Variants in TOP6BL observed in about 807,000 individuals in gnomAD.
TOP6BL encodes TOP6B like initiator of meiotic double strand breaks.
At chr11:66,768,657 T>C in the TOP6BL span, among the ~76,000 whole-genome samples, 3 of 151,278 alleles carry the variant, frequency 2.0e-5, no homozygotes, top group African/African-American at 4.9e-5. Flanking sequence ...TAAAACAGAT[T>C]TTTGTTTTTT....
chr11:66,828,262 T>G, the TOP6BL span: 1 of 1,611,476 alleles, frequency 6.2e-7, no homozygotes, highest in Non-Finnish European at 8.5e-7. Flanking sequence ...CTGGCCCATT[T>G]TAGGCAGCTG....
At chr11:66,814,352 G>A in the TOP6BL span, among the ~76,000 whole-genome samples, 7 of 152,154 alleles carry the variant, frequency 4.6e-5, no homozygotes, top group South Asian at 8.3e-4. Context: ...TCCGCCTCCC[G>A]GGTTCAAGTG....
At chr11:66,748,278 G>T in the TOP6BL span, 3,589 of 916,308 alleles carry the variant, frequency 3.9e-3, 6 homozygotes, top group Non-Finnish European at 4.4e-3. Flanking sequence ...TACAATTTTT[G>T]GGGGGAAATT....
the TOP6BL span, among the ~76,000 whole-genome samples, chr11:66,800,481 T>G: frequency 3.3e-5 from 5 of 152,250 alleles, no homozygotes; most frequent in Non-Finnish European, 7.3e-5. Flanking sequence ...AAACACCACA[T>G]TGTACCCTAT....
the TOP6BL span, among the ~76,000 whole-genome samples, chr11:66,781,990 G>C: frequency 6.6e-6 from 1 of 152,104 alleles, no homozygotes; most frequent in Admixed American, 6.6e-5. Flanking sequence ...TTTTGCTCTA[G>C]TAGGCTATGC....
chr11:66,823,266 C>A, the TOP6BL span, among the ~76,000 whole-genome samples: 1 of 147,594 alleles, frequency 6.8e-6, no homozygotes, highest in Non-Finnish European at 1.5e-5. Flanking sequence ...TGTACTCCAG[C>A]CCAGGTGACA....
chr11:66,819,602 C>G, the TOP6BL span, among the ~76,000 whole-genome samples: 256 of 151,530 alleles, frequency 1.7e-3, no homozygotes, highest in African/African-American at 5.9e-3. Context: ...GAGACCTCGT[C>G]TCTACATATA....
At chr11:66,816,142 C>CT in the TOP6BL span, 1 of 1,607,428 alleles carries the variant, frequency 6.2e-7, no homozygotes, top group South Asian at 1.1e-5. Context: ...AACTCTGCTG[C>CT]TTTTTCTCTT....
At chr11:66,765,337 G>A in the TOP6BL span, among the ~76,000 whole-genome samples, 1 of 152,188 alleles carries the variant, frequency 6.6e-6, no homozygotes, top group Non-Finnish European at 1.5e-5. Context: ...TTGTGATAAA[G>A]TGTGAGTGGC....
At chr11:66,830,937 G>T in the TOP6BL span, among the ~76,000 whole-genome samples, 1 of 152,000 alleles carries the variant, frequency 6.6e-6, no homozygotes, top group Non-Finnish European at 1.5e-5. Context: ...ACACAACTCG[G>T]TTTTTTTAAA....
the TOP6BL span, among the ~76,000 whole-genome samples, chr11:66,782,474 C>G: frequency 1.3e-5 from 2 of 152,144 alleles, no homozygotes; most frequent in Non-Finnish European, 2.9e-5. Context: ...TCTCCAGTGC[C>G]CTGCCCTGCA....
At chr11:66,754,607 A>G in the TOP6BL span, among the ~76,000 whole-genome samples, 3 of 152,298 alleles carry the variant, frequency 2.0e-5, no homozygotes, top group South Asian at 6.2e-4. Context: ...TAACTGGGGA[A>G]CTTTCTCTTC....
the TOP6BL span, among the ~76,000 whole-genome samples, chr11:66,774,148 T>A: frequency 6.6e-6 from 1 of 152,160 alleles, no homozygotes; most frequent in African/African-American, 2.4e-5. Flanking sequence ...AGTTTATTTT[T>A]ATTTTATTTA....
the TOP6BL span, among the ~76,000 whole-genome samples, chr11:66,778,700 G>A: frequency 6.6e-6 from 1 of 152,222 alleles, no homozygotes; most frequent in Admixed American, 6.5e-5. Context: ...AACCCGCATT[G>A]CCAAGTCAAT....
the TOP6BL span, among the ~76,000 whole-genome samples, chr11:66,799,289 G>C: frequency 6.6e-6 from 1 of 151,516 alleles, no homozygotes; most frequent in Non-Finnish European, 1.5e-5. Context: ...AGGAGGCTGA[G>C]GCAGGAGAAC....
chr11:66,761,581 G>A, the TOP6BL span: 1 of 1,165,316 alleles, frequency 8.6e-7, no homozygotes, highest in Non-Finnish European at 1.2e-6. Context: ...TGCTCTACTG[G>A]CTCTTGACAA....
the TOP6BL span, chr11:66,796,316 T>C: frequency 6.2e-7 from 1 of 1,611,142 alleles, no homozygotes; most frequent in Non-Finnish European, 8.5e-7. Flanking sequence ...TGACAGATTG[T>C]CTGGTTATAA....
chr11:66,761,244 G>A, the TOP6BL span, among the ~76,000 whole-genome samples: 3 of 152,114 alleles, frequency 2.0e-5, no homozygotes, highest in South Asian at 2.1e-4. Context: ...GGTGGCGGGC[G>A]CCTGTAGTCC....
chr11:66,744,881 C>T, the TOP6BL span: 31 of 1,294,496 alleles, frequency 2.4e-5, no homozygotes, highest in Non-Finnish European at 3.0e-5. Flanking sequence ...CCGCTGTTCC[C>T]TGCGCGGCAT....
Sources: gnomAD v4.1 joint callset for allele counts (sites outside exome capture counted in the v4.1 genomes callset) on GRCh38, gnomAD v4.1.1 for gene constraint, MANE v1.5 for transcripts, NCBI Gene and HGNC (gene_info 2026-07-23, HGNC 2026-07-21) for gene names.